The following ZMAT3 variants were observed in gnomAD, a reference collection of about 807,000 sequenced individuals.
ZMAT3 encodes the protein zinc finger matrin-type protein 3.
A neutral mutation model predicts 32.3 loss-of-function variants in ZMAT3; 17 were observed. The ratio of observed to expected loss-of-function variants is 0.53; its 90% CI spans 0.36 to 0.79. The LOEUF (loss-of-function observed/expected upper bound fraction) is 0.79. Among genes scored for constraint, ZMAT3 ranks in the 30% least tolerant of loss-of-function variants. ZMAT3 has a pLI of 0.00. For missense variants in ZMAT3, 329 were observed against 359.7 expected (o/e 0.91, Z 0.69); for synonymous variants, 120 against 133.1 (o/e 0.90, Z 0.68).
At chr3:179,036,244 T>C (rs1719581682) in intron 2 of ZMAT3, among the ~76,000 whole-genome samples, 1 of 152,128 alleles carries the variant, frequency 6.6e-6, no homozygotes, top group Non-Finnish European at 1.5e-5. Context: ...ACATAGAGTC[T>C]AGTAGAGAAT....
rs1718384181 is a variant in ZMAT3 at position 179,018,477 on chromosome 3, T to A, written c.*6540A>T. The A allele has an allele frequency of 6.6e-6, 1 of 152,020 alleles. No homozygotes were observed. The highest frequency in any genetic ancestry group is 1.5e-5 in the Non-Finnish European group (1 of 67,968). The allele number at this position is 152,020 out of a possible 1,614,324, so 9.4% of individuals were successfully genotyped here. On this transcript the variant is annotated 3_prime_UTR_variant, in exon 6 of 6. Coordinates refer to ENST00000311417, the MANE Select transcript of ZMAT3 (RefSeq NM_022470.4). ...AAAAAAAGTGTAATTAGTAAAAATA[T>A]GGATTTTCCCTCCAAGGGCCCAAAG...
rs1416963666 is a variant in ZMAT3 at position 179,018,286 on chromosome 3, A to G, written c.*6731T>C. Reference sequence around the variant, plus strand: ...GGGGGTCACTTAAGCACTTACAAAGACTTATAAATGAATCATGAAGGTCAT... The same window carrying G: ...GGGGGTCACTTAAGCACTTACAAAGGCTTATAAATGAATCATGAAGGTCAT... On this transcript the variant is annotated 3_prime_UTR_variant, in exon 6 of 6. Coordinates refer to ENST00000311417, the MANE Select transcript of ZMAT3 (RefSeq NM_022470.4). The G allele has an allele frequency of 6.6e-6, 1 of 152,198 alleles. No homozygotes were observed. Among genetic ancestry groups the G allele is most frequent in the Non-Finnish European group, 1.5e-5 (1 of 68,032 alleles). 9.4% of individuals were successfully genotyped at this position (152,198 alleles called of 1,614,324 possible). A position where few individuals can be genotyped will look rare whatever the true frequency, so the allele number is the denominator to read the frequency against.
Position 179,025,212 on chromosome 3 carries a change from A to C in ZMAT3, c.675T>G (p.Asn225Lys). Residue 225 changes from asparagine (N) to lysine (K), a missense_variant, in exon 6 of 6, where the codon AAT (asparagine) becomes AAG (lysine). Coordinates refer to ENST00000311417, the MANE Select transcript of ZMAT3 (RefSeq NM_022470.4). The stretch of plus-strand genomic sequence containing the variant: ...GTGGAATTCTCTGCCGAGAGCGGGG[A>C]TTGAAGTAAGGACCTGCTAAAGCAA... ...VQNNSAGPYF[N>K]PRSRQRIPRD... 6.2e-7 allele frequency: 1 copy of C among 1,613,928 alleles called. No homozygotes were observed. The highest frequency in any genetic ancestry group is 8.5e-7 in the Non-Finnish European group (1 of 1,179,868).
At chr3:179,058,686 G>A (rs1720985772) in intron 2 of ZMAT3, among the ~76,000 whole-genome samples, 3 of 150,848 alleles carry the variant, frequency 2.0e-5, no homozygotes. Flanking sequence ...AACCCGGGAG[G>A]CGGAGCTTGC....
At chr3:179,062,360 G>A (rs1409507039) in intron 2 of ZMAT3, among the ~76,000 whole-genome samples, 1 of 152,140 alleles carries the variant, frequency 6.6e-6, no homozygotes, top group Admixed American at 6.5e-5. Flanking sequence ...GTAAACAGAA[G>A]GTTGCTGCTG....
chr3:179,037,657 C>T lies in ZMAT3; in HGVS notation c.271-6658G>A, dbSNP rs117427646. ...ACCCTCCCTCCTGCTCACTGAGCAACGGGGAAAAAAAGCCAGTGTGCCATT... is the reference window on the plus strand; with the variant it reads ...ACCCTCCCTCCTGCTCACTGAGCAATGGGGAAAAAAAGCCAGTGTGCCATT... On this transcript the variant is annotated intron_variant, in intron 2 of 5. Transcript: ENST00000311417. Among the ~76,000 whole-genome samples, 130 of 152,200 alleles carry T rather than the reference C, an allele frequency of 8.5e-4. 2 individuals carry two copies. Among genetic ancestry groups the T allele is most frequent in the Middle Eastern group, 3.4e-3 (1 of 294 alleles).
intron 1 of ZMAT3, among the ~76,000 whole-genome samples, chr3:179,070,616 A>G (rs1428730295): frequency 2.0e-5 from 3 of 152,202 alleles, no homozygotes; most frequent in South Asian, 4.1e-4. Context: ...GACCCAAAAC[A>G]TGCAACTCAG....
intron 2 of ZMAT3, among the ~76,000 whole-genome samples, chr3:179,052,970 A>G (rs1162777509): frequency 6.6e-6 from 1 of 151,974 alleles, no homozygotes; most frequent in South Asian, 2.1e-4. Context: ...TCTACTAAAA[A>G]TACAAAAATT....
At chr3:179,057,211 CAGTGGAAGTT>C (rs540112072) in intron 2 of ZMAT3, among the ~76,000 whole-genome samples, 6 of 152,164 alleles carry the variant, frequency 3.9e-5, no homozygotes, top group Non-Finnish European at 8.8e-5. Flanking sequence ...ACCCAACAGA[CAGTGGAAGTT>C]AGTGCAAGAT....
Position 179,024,141 on chromosome 3 carries a change from G to A in ZMAT3, c.*876C>T, listed in dbSNP as rs1265549551. On this transcript the variant is annotated 3_prime_UTR_variant, in exon 6 of 6. Coordinates refer to ENST00000311417, the MANE Select transcript of ZMAT3 (RefSeq NM_022470.4). The stretch of plus-strand genomic sequence containing the variant: ...TTAGACAAGCTGATTCAACTAGGGG[G>A]GAAAAAAGAGGAGGGAAGAAGGCGG... The A allele has an allele frequency of 1.3e-5, 2 of 152,066 alleles. No individual in the cohort carries two copies. The highest frequency in any genetic ancestry group is 3.9e-4 in the East Asian group (2 of 5,178). The allele number at this position is 152,066 out of a possible 1,614,324, so 9.4% of individuals were successfully genotyped here.
intron 5 of ZMAT3, among the ~76,000 whole-genome samples, chr3:179,025,700 T>C (rs1294131418): frequency 6.6e-6 from 1 of 152,160 alleles, no homozygotes; most frequent in Non-Finnish European, 1.5e-5. Flanking sequence ...GATTCAAAAA[T>C]AGGATTAAAG....
intron 2 of ZMAT3, 74 bp downstream of exon 2, chr3:179,067,409 G>A (rs1458839557): frequency 6.6e-7 from 1 of 1,507,388 alleles, no homozygotes; most frequent in Non-Finnish European, 9.1e-7. Context: ...CATATCTGGA[G>A]AGACAACTGC....
rs1718604780 is a variant in ZMAT3, at chr3:179,022,600, C to T, written c.*2417G>A. 1 of 149,166 alleles carries T rather than the reference C, an allele frequency of 6.7e-6. No homozygotes were observed. Among genetic ancestry groups the T allele is most frequent in the Non-Finnish European group, 1.5e-5 (1 of 67,426 alleles). 9.2% of individuals were successfully genotyped at this position (149,166 alleles called of 1,614,324 possible). A position where few individuals can be genotyped will look rare whatever the true frequency, so the allele number is the denominator to read the frequency against. ...AAGAAAAGCCCTAAATTGCTCAAAACTAAGCAACTCTACTTTATAGATTAC... is the reference window on the plus strand; with the variant it reads ...AAGAAAAGCCCTAAATTGCTCAAAATTAAGCAACTCTACTTTATAGATTAC... On this transcript the variant is annotated 3_prime_UTR_variant, in exon 6 of 6. Transcript: ENST00000311417.
At chr3:179,025,367 A>T in intron 5 of ZMAT3, 139 bp from the exon 6 acceptor site, 2 of 732,030 alleles carry the variant, frequency 2.7e-6, no homozygotes, top group East Asian at 5.4e-5. Context: ...ATGTGAAGTT[A>T]ATGGATTTTT....
At chr3:179,069,872 C>G (rs975745996) in intron 1 of ZMAT3, among the ~76,000 whole-genome samples, 1 of 152,012 alleles carries the variant, frequency 6.6e-6, no homozygotes, top group African/African-American at 2.4e-5. Flanking sequence ...AAAAGAAAAG[C>G]AATATAGAGT....
intron 1 of ZMAT3, among the ~76,000 whole-genome samples, chr3:179,069,929 T>C (rs2108595081): frequency 6.6e-6 from 1 of 152,320 alleles, no homozygotes; most frequent in Admixed American, 6.5e-5. Context: ...TTATTTCTCT[T>C]AATTGAATCA....
upstream of ZMAT3, chr3:179,072,042 A>G (rs1258700765): frequency 1.3e-5 from 2 of 152,520 alleles, no homozygotes; most frequent in African/African-American, 4.8e-5. Context: ...TCCCGCCGCC[A>G]ATCTCAGCAG....
chr3:179,029,512 G>A (rs536179833), intron 3 of ZMAT3, among the ~76,000 whole-genome samples: 25 of 152,054 alleles, frequency 1.6e-4, no homozygotes, highest in African/African-American at 6.0e-4. Context: ...CACCCAGACT[G>A]GAATGCAGTG....
At chr3:179,063,622 C>T (rs1721258489) in intron 2 of ZMAT3, among the ~76,000 whole-genome samples, 1 of 152,174 alleles carries the variant, frequency 6.6e-6, no homozygotes, top group African/African-American at 2.4e-5. Flanking sequence ...TTTTGCTTTT[C>T]TTTATTTCTG....
Sources: gnomAD v4.1 joint callset for allele counts (sites outside exome capture counted in the v4.1 genomes callset) on GRCh38, gnomAD v4.1.1 for gene constraint, MANE v1.5 for transcripts, NCBI Gene and HGNC (gene_info 2026-07-23, HGNC 2026-07-21) for gene names.